RAP1GAP2: variants seen among roughly 807,000 people sequenced by gnomAD.
RAP1GAP2 encodes RAP1 GTPase activating protein 2.
Under a neutral mutation model 95.0 loss-of-function variants are expected in RAP1GAP2, and 27 were observed. That is an observed-to-expected ratio of 0.28 (90% CI 0.21 to 0.39). RAP1GAP2 has a LOEUF of 0.39. RAP1GAP2 is among the 10% of genes least tolerant of loss of function. RAP1GAP2 has a pLI of 1.00. For synonymous variants in RAP1GAP2, 373 were observed against 380.9 expected, an observed-to-expected ratio of 0.98 and a Z score of 0.24; for missense variants, 771 against 970.0, an observed-to-expected ratio of 0.79 and a Z score of 2.72.
intron 2 of RAP1GAP2, among the ~76,000 whole-genome samples, chr17:2,883,957 GC>G (rs1294655736): frequency 3.3e-5 from 5 of 152,204 alleles, no homozygotes; most frequent in African/African-American, 1.2e-4. Flanking sequence ...CTCTAGACAG[GC>G]CCCTGTGGTT....
At chr17:2,997,784 G>A (rs556072979) in intron 13 of RAP1GAP2, among the ~76,000 whole-genome samples, 1 of 152,102 alleles carries the variant, frequency 6.6e-6, no homozygotes, top group South Asian at 2.1e-4. Flanking sequence ...ATTAGTGGGT[G>A]TAGTGTCACG....
At chr17:2,768,380 C>T (rs1359562034) in intron 1 of RAP1GAP2, among the ~76,000 whole-genome samples, 1 of 152,198 alleles carries the variant, frequency 6.6e-6, no homozygotes, top group Non-Finnish European at 1.5e-5. Context: ...TTTTCTTTAT[C>T]ATCATAGGCC....
chr17:2,899,192 T>C (rs1399556549), intron 2 of RAP1GAP2, among the ~76,000 whole-genome samples: 1 of 152,150 alleles, frequency 6.6e-6, no homozygotes, highest in East Asian at 1.9e-4. Context: ...TATCAGTTTG[T>C]TTTTATTTTT....
rs2071754714 is a variant in RAP1GAP2 at position 2,849,894 on chromosome 17, G to C, written c.80+49344G>C. Among the ~76,000 whole-genome samples the C allele has an allele frequency of 3.3e-5, 5 of 151,948 alleles. No homozygotes were observed. In the South Asian group the frequency reaches 1.0e-3, roughly 31 times the overall value. Reference sequence around the variant, plus strand: ...CTCATGAATGTGGCCTTGGAGCAGAGTAATGTGAAAATTCTTCCCTGTCCG... The same window carrying C: ...CTCATGAATGTGGCCTTGGAGCAGACTAATGTGAAAATTCTTCCCTGTCCG... On this transcript the variant is annotated intron_variant, in intron 2 of 24. Coordinates refer to ENST00000254695, the MANE Select transcript of RAP1GAP2 (RefSeq NM_015085.5).
chr17:2,830,988 CCCT>C (rs2070817379), intron 2 of RAP1GAP2, among the ~76,000 whole-genome samples: 3 of 85,282 alleles, frequency 3.5e-5, no homozygotes, highest in African/African-American at 1.0e-4. Context: ...CCCTACCCTT[CCCT>C]CCACTTCCCT....
chr17:2,884,913 G>T (rs2073431360), intron 2 of RAP1GAP2, among the ~76,000 whole-genome samples: 1 of 152,198 alleles, frequency 6.6e-6, no homozygotes, highest in African/African-American at 2.4e-5. Flanking sequence ...AGGGCCTTCA[G>T]GGTAGGAATG....
rs921614538 is a variant in RAP1GAP2, at chr17:2,852,349, TG to T, written c.80+51805del. On this transcript the variant is annotated intron_variant, in intron 2 of 24. Coordinates refer to ENST00000254695, the MANE Select transcript of RAP1GAP2 (RefSeq NM_015085.5). ...GGCAGGGAGGGGGTGGGGGTGGGGG[TG>T]GGGGGCACAAGGCCAGTGGTAACGG... Among the ~76,000 whole-genome samples the T allele has an allele frequency of 1.4e-4, 16 of 112,782 alleles. No individual in the cohort carries two copies. The South Asian group carries it at 5.3e-3, about 37-fold the overall frequency. The allele number at this position is 112,782 out of a possible 152,430, so 74.0% of individuals were successfully genotyped here.
chr17:2,810,819 G>A (rs910733527), intron 2 of RAP1GAP2, among the ~76,000 whole-genome samples: 5 of 152,034 alleles, frequency 3.3e-5, no homozygotes, highest in Non-Finnish European at 5.9e-5. Flanking sequence ...GTGAGCCACC[G>A]CGCCTGGCCA....
chr17:2,957,651 C>A, intron 3 of RAP1GAP2, 108 bp from the exon 4 acceptor site: 1 of 1,272,428 alleles, frequency 7.9e-7, no homozygotes, highest in Non-Finnish European at 1.1e-6. Flanking sequence ...AATTTTGTCC[C>A]TGGGGAAGCC....
At chr17:2,992,682 C>G (rs1346407748) in intron 12 of RAP1GAP2, among the ~76,000 whole-genome samples, 1 of 152,158 alleles carries the variant, frequency 6.6e-6, no homozygotes, top group Middle Eastern at 3.2e-3. Flanking sequence ...AAATACCTAG[C>G]CCAGTGCCTG....
rs147802974 is a variant in RAP1GAP2, at chr17:2,908,306, A to AAGC, written c.165+2941_165+2943dup. On this transcript the variant is annotated intron_variant, in intron 3 of 24. Coordinates refer to ENST00000254695, the MANE Select transcript of RAP1GAP2 (RefSeq NM_015085.5). ...TGGGCATGCAGGCAGGGACCAGATCAAGCAGACGCTTGGACATTCTGCTGA... is the reference window on the plus strand; with the variant it reads ...TGGGCATGCAGGCAGGGACCAGATCAAGCAGCAGACGCTTGGACATTCTGCTGA... 2.7e-3 allele frequency among the ~76,000 whole-genome samples: 409 copies of AAGC among 152,304 alleles called. 11 individuals carry two copies. In the East Asian group the frequency reaches 0.051, roughly 19 times the overall value.
chr17:2,953,180 T>C (rs1261488771), intron 3 of RAP1GAP2, among the ~76,000 whole-genome samples: 1 of 152,048 alleles, frequency 6.6e-6, no homozygotes, highest in Non-Finnish European at 1.5e-5. Flanking sequence ...TATGAATTTA[T>C]ATGCATACAT....
chr17:2,956,439 A>G (rs2044108789), intron 3 of RAP1GAP2, among the ~76,000 whole-genome samples: 1 of 152,150 alleles, frequency 6.6e-6, no homozygotes, highest in Non-Finnish European at 1.5e-5. Flanking sequence ...GAATTCTGGG[A>G]GCAGTGGGAG....
upstream of RAP1GAP2, among the ~76,000 whole-genome samples, chr17:2,776,032 AGCCGGGTAT>A (rs1415743709): frequency 1.3e-5 from 2 of 152,336 alleles, no homozygotes; most frequent in Non-Finnish European, 1.5e-5. Context: ...TACAAAAAGT[AGCCGGGTAT>A]GGTGGCGGGT....
upstream of RAP1GAP2, among the ~76,000 whole-genome samples, chr17:2,773,689 A>ATTCG (rs533937071): frequency 7.2e-5 from 11 of 151,964 alleles, no homozygotes; most frequent in South Asian, 2.1e-3. Context: ...TCATTCATTC[A>ATTCG]TTCGTTCATT....
Position 2,998,234 on chromosome 17 carries a change from GAC to G in RAP1GAP2, c.1062_1063del (p.Ile355TrpfsTer3). ...CTTTTTATTTAGCTCCAGAGAAAGAGACACATTGGAAATGACATCGTGGCCAT... is the reference window on the plus strand; with the variant it reads ...CTTTTTATTTAGCTCCAGAGAAAGAGACATTGGAAATGACATCGTGGCCAT... On this transcript the variant is annotated frameshift_variant, in exon 14 of 25. Coordinates refer to ENST00000254695, the MANE Select transcript of RAP1GAP2 (RefSeq NM_015085.5). LOFTEE classifies it high-confidence loss of function. 6.2e-7 allele frequency: 1 copy of G among 1,613,954 alleles called. No individual in the cohort carries two copies. The highest frequency in any genetic ancestry group is 8.5e-7 in the Non-Finnish European group (1 of 1,179,822).
chr17:2,887,251 T>C (rs2073534359), intron 2 of RAP1GAP2, among the ~76,000 whole-genome samples: 1 of 151,610 alleles, frequency 6.6e-6, no homozygotes, highest in Admixed American at 6.6e-5. Flanking sequence ...AGAGACGGGG[T>C]TTCCCCATAT....
At chr17:3,021,628 T>G (rs2046965322) in intron 19 of RAP1GAP2, among the ~76,000 whole-genome samples, 1 of 152,080 alleles carries the variant, frequency 6.6e-6, no homozygotes, top group South Asian at 2.1e-4. Context: ...AGAGACGGGG[T>G]TTTGCCATGT....
upstream of RAP1GAP2, among the ~76,000 whole-genome samples, chr17:2,793,985 G>C (rs2068998126): frequency 6.6e-6 from 1 of 150,854 alleles, no homozygotes; most frequent in African/African-American, 2.4e-5. Context: ...CCTGTAAACA[G>C]ATATGTGGGA....
Sources: gnomAD v4.1 joint callset for allele counts (sites outside exome capture counted in the v4.1 genomes callset) on GRCh38, gnomAD v4.1.1 for gene constraint, MANE v1.5 for transcripts, NCBI Gene and HGNC (gene_info 2026-07-23, HGNC 2026-07-21) for gene names.